The following FAM241A variants were observed in gnomAD, a reference collection of about 807,000 sequenced individuals.
FAM241A encodes family with sequence similarity 241 member A.
A neutral mutation model predicts 12.2 loss-of-function variants in FAM241A; 7 were observed. The observed-to-expected ratio is 0.58, with a 90% confidence interval of 0.33 to 1.08. The LOEUF is 1.08. FAM241A is among the 50% of genes least tolerant of loss of function. FAM241A has a pLI of 0.04. For synonymous variants in FAM241A, 74 were observed against 68.2 expected (o/e 1.08, Z -0.42); for missense variants, 161 against 169.7 (o/e 0.95, Z 0.29).
At chr4:112,159,538 A>G (rs1323661318) in intron 1 of FAM241A, among the ~76,000 whole-genome samples, 1 of 152,212 alleles carries the variant, frequency 6.6e-6, no homozygotes, top group Non-Finnish European at 1.5e-5. Flanking sequence ...TCAACAAAAT[A>G]CTAGCAAACC....
At chr4:112,162,668 C>T (rs7690233) in intron 1 of FAM241A, among the ~76,000 whole-genome samples, 1 of 151,972 alleles carries the variant, frequency 6.6e-6, no homozygotes, top group Non-Finnish European at 1.5e-5. Context: ...GAGGACACAA[C>T]CAAATGGAAG....
chr4:112,171,567 C>G, intron 1 of FAM241A: 1 of 717,802 alleles, frequency 1.4e-6, no homozygotes, highest in Non-Finnish European at 2.5e-6. Flanking sequence ...ACTATAAAAT[C>G]TTGAGTTTAT....
At position 112,189,577 on chromosome 4, in the gene FAM241A, G is replaced by A. The variant is rs1450514594; in HGVS notation, c.*2639G>A. 1 of 152,118 alleles carries A rather than the reference G, an allele frequency of 6.6e-6. No individual in the cohort carries two copies. The highest frequency in any genetic ancestry group is 1.5e-5 in the Non-Finnish European group (1 of 68,020). 9.4% of individuals were successfully genotyped at this position (152,118 alleles called of 1,614,324 possible). A position where few individuals can be genotyped will look rare whatever the true frequency, so the allele number is the denominator to read the frequency against. On this transcript the variant is annotated 3_prime_UTR_variant, in exon 2 of 2. Coordinates refer to ENST00000309733, the MANE Select transcript of FAM241A (RefSeq NM_152400.3). The stretch of plus-strand genomic sequence containing the variant: ...CTACAAATAAACAGACTGTAGATGA[G>A]TAAATCCATTTTTCTTAAAGTAAAA...
chr4:112,146,980 C>G (rs539758792), intron 1 of FAM241A, among the ~76,000 whole-genome samples: 7 of 152,170 alleles, frequency 4.6e-5, no homozygotes, highest in Admixed American at 2.6e-4. Flanking sequence ...ACTTAAATTG[C>G]TTAACTGGAA....
intron 1 of FAM241A, among the ~76,000 whole-genome samples, chr4:112,159,118 G>A (rs1015262268): frequency 6.6e-6 from 1 of 152,152 alleles, no homozygotes; most frequent in African/African-American, 2.4e-5. Flanking sequence ...AAGTGGTCAT[G>A]GAAGAGCTCA....
At chr4:112,156,361 A>G (rs1489684920) in intron 1 of FAM241A, among the ~76,000 whole-genome samples, 3 of 152,084 alleles carry the variant, frequency 2.0e-5, no homozygotes, top group African/African-American at 7.2e-5. Context: ...CTCCCACCCC[A>G]TAATCCTCTA....
At chr4:112,147,093 A>G (rs370248870) in intron 1 of FAM241A, among the ~76,000 whole-genome samples, 1 of 152,230 alleles carries the variant, frequency 6.6e-6, no homozygotes, top group East Asian at 1.9e-4. Flanking sequence ...GGGAGCATAT[A>G]AAAATACTTC....
intron 1 of FAM241A, among the ~76,000 whole-genome samples, chr4:112,152,334 C>T (rs1391494515): frequency 6.6e-6 from 1 of 151,954 alleles, no homozygotes; most frequent in Non-Finnish European, 1.5e-5. Context: ...TCCCCTACAG[C>T]GAAGTATTAT....
At chr4:112,174,639 C>T (rs1204216254) in intron 1 of FAM241A, among the ~76,000 whole-genome samples, 2 of 152,106 alleles carry the variant, frequency 1.3e-5, no homozygotes, top group African/African-American at 4.8e-5. Flanking sequence ...AAGAGAGAAC[C>T]AAGGAAGGAG....
chr4:112,154,831 G>A (rs922858565), intron 1 of FAM241A, among the ~76,000 whole-genome samples: 1 of 151,922 alleles, frequency 6.6e-6, no homozygotes, highest in Non-Finnish European at 1.5e-5. Flanking sequence ...CCAGGAGTTC[G>A]AGACCAGCCT....
At chr4:112,165,096 G>A (rs944538599) in intron 1 of FAM241A, among the ~76,000 whole-genome samples, 1 of 152,186 alleles carries the variant, frequency 6.6e-6, no homozygotes. Flanking sequence ...ATGAGACCCT[G>A]TCTCAAAAGC....
chr4:112,194,868 C>T lies in FAM241A; in HGVS notation c.*7930C>T, dbSNP rs1578384123. 1 of 152,348 alleles carries T rather than the reference C, an allele frequency of 6.6e-6. No individual in the cohort carries two copies. Among genetic ancestry groups the T allele is most frequent in the East Asian group, 1.9e-4 (1 of 5,186 alleles). 9.4% of individuals were successfully genotyped at this position (152,348 alleles called of 1,614,324 possible). A position where few individuals can be genotyped will look rare whatever the true frequency, so the allele number is the denominator to read the frequency against. ...GATCTCGACTCACTGCAACCTCCGC[C>T]TCCCAGGTTTAAGCAATTCTCCTGT... On this transcript the variant is annotated 3_prime_UTR_variant, in exon 2 of 2. Coordinates refer to ENST00000309733, the MANE Select transcript of FAM241A (RefSeq NM_152400.3).
At chr4:112,145,762 C>A in intron 1 of FAM241A, 29 bp downstream of exon 1, 1 of 1,089,970 alleles carries the variant, frequency 9.2e-7, no homozygotes, top group Non-Finnish European at 1.1e-6. Context: ...GGCGGCGAAG[C>A]GGCCGGGTCG....
At chr4:112,171,218 GGT>G in intron 1 of FAM241A, 2 of 710,320 alleles carry the variant, frequency 2.8e-6, no homozygotes, top group Non-Finnish European at 5.2e-6. Flanking sequence ...CTGCAAACAT[GGT>G]AAACATTCCT....
chr4:112,174,392 G>A (rs779307396), intron 1 of FAM241A, among the ~76,000 whole-genome samples: 8 of 152,208 alleles, frequency 5.3e-5, no homozygotes, highest in Admixed American at 3.9e-4. Context: ...GGTGACTCAC[G>A]CCTGTAATCC....
intron 1 of FAM241A, among the ~76,000 whole-genome samples, chr4:112,154,559 T>A (rs1274018534): frequency 6.6e-6 from 1 of 152,064 alleles, no homozygotes; most frequent in African/African-American, 2.4e-5. Flanking sequence ...TGAGCCACCG[T>A]GCCCAGCCTG....
At chr4:112,162,008 C>T (rs950487004) in intron 1 of FAM241A, among the ~76,000 whole-genome samples, 5 of 152,136 alleles carry the variant, frequency 3.3e-5, no homozygotes, top group Admixed American at 2.0e-4. Flanking sequence ...GTTCAACATA[C>T]GCAAATCGAT....
At chr4:112,154,151 A>G (rs1723303902) in intron 1 of FAM241A, among the ~76,000 whole-genome samples, 1 of 152,214 alleles carries the variant, frequency 6.6e-6, no homozygotes, top group African/African-American at 2.4e-5. Context: ...ATAACAGCAG[A>G]AGCGAAATTT....
chr4:112,164,691 T>C (rs1723558271), intron 1 of FAM241A, among the ~76,000 whole-genome samples: 1 of 151,928 alleles, frequency 6.6e-6, no homozygotes, highest in South Asian at 2.1e-4. Flanking sequence ...GGAGAAAATA[T>C]TTGTAAACTA....
Sources: gnomAD v4.1 joint callset for allele counts (sites outside exome capture counted in the v4.1 genomes callset) on GRCh38, gnomAD v4.1.1 for gene constraint, MANE v1.5 for transcripts, NCBI Gene and HGNC (gene_info 2026-07-23, HGNC 2026-07-21) for gene names.